Variants in GTF2F2 observed in about 807,000 individuals in gnomAD.
GTF2F2 encodes the protein general transcription factor IIF subunit 2.
A neutral mutation model predicts 42.2 loss-of-function variants in GTF2F2; 23 were observed. That is an observed-to-expected ratio of 0.55 (90% CI 0.39 to 0.77). The LOEUF (loss-of-function observed/expected upper bound fraction) is 0.77. GTF2F2 is among the 30% of genes least tolerant of loss of function. The probability of loss-of-function intolerance (pLI) is 0.00; values close to 1 mark genes in which losing one functional copy is unlikely to be tolerated. For missense variants in GTF2F2, 261 were observed against 287.2 expected (o/e 0.91, Z 0.66); for synonymous variants, 105 against 100.8 (o/e 1.04, Z -0.25).
At chr13:45,201,669 A>G (rs763153505) in intron 4 of GTF2F2, among the ~76,000 whole-genome samples, 1 of 152,210 alleles carries the variant, frequency 6.6e-6, no homozygotes, top group Admixed American at 6.5e-5. Context: ...TACATAAATT[A>G]CCATCATCAA....
chr13:45,252,998 TC>T, intron 6 of GTF2F2, 28 bp downstream of exon 6: 3 of 880,412 alleles, frequency 3.4e-6, no homozygotes, highest in Non-Finnish European at 5.2e-6. Flanking sequence ...CTCTTTTCAT[TC>T]TTTTATATCT....
intron 1 of GTF2F2, among the ~76,000 whole-genome samples, chr13:45,131,958 G>A (rs1254110700): frequency 6.6e-6 from 1 of 151,570 alleles, no homozygotes; most frequent in Non-Finnish European, 1.5e-5. Flanking sequence ...CAGACACTGG[G>A]TGGGAAGGAT....
At chr13:45,201,747 C>G (rs1045895349) in intron 4 of GTF2F2, among the ~76,000 whole-genome samples, 1 of 152,122 alleles carries the variant, frequency 6.6e-6, no homozygotes, top group Non-Finnish European at 1.5e-5. Context: ...ACAAACCAAT[C>G]TAGCCAAAAA....
At chr13:45,199,544 C>T (rs548475255) in intron 4 of GTF2F2, among the ~76,000 whole-genome samples, 26 of 151,930 alleles carry the variant, frequency 1.7e-4, no homozygotes, top group African/African-American at 5.1e-4. Flanking sequence ...ATAACCTGTG[C>T]GTTATTATTT....
At chr13:45,195,690 T>G (rs911227606) in intron 4 of GTF2F2, among the ~76,000 whole-genome samples, 1 of 152,202 alleles carries the variant, frequency 6.6e-6, no homozygotes, top group African/African-American at 2.4e-5. Context: ...CAATTTAGGG[T>G]TCTGAGGTTT....
chr13:45,189,969 A>G (rs942631746), intron 4 of GTF2F2, among the ~76,000 whole-genome samples: 8 of 152,238 alleles, frequency 5.3e-5, no homozygotes, highest in African/African-American at 1.9e-4. Flanking sequence ...TGACCAAAAC[A>G]CCAAAAGCAA....
In GTF2F2 at chr13:45,154,679, C is replaced by G. The variant is rs867063022; in HGVS notation, c.304+2848C>G. 2.6e-4 allele frequency among the ~76,000 whole-genome samples: 40 copies of G among 152,246 alleles called. No individual in the cohort carries two copies. In the South Asian group the frequency reaches 4.6e-3, roughly 17 times the overall value. On this transcript the variant is annotated intron_variant, in intron 4 of 7. Transcript: ENST00000340473. The stretch of plus-strand genomic sequence containing the variant: ...TTATGAAATAAGGATAATTTATTGA[C>G]ATTTATATATAAATATGAATACATT...
chr13:45,160,573 T>C (rs143446306), intron 4 of GTF2F2, among the ~76,000 whole-genome samples: 6 of 152,346 alleles, frequency 3.9e-5, no homozygotes, highest in Non-Finnish European at 5.9e-5. Flanking sequence ...AATTATGTAG[T>C]TCTTTTGAAT....
intron 7 of GTF2F2, among the ~76,000 whole-genome samples, chr13:45,271,282 A>G (rs1566157770): frequency 6.9e-6 from 1 of 145,444 alleles, no homozygotes; most frequent in South Asian, 2.2e-4. Context: ...CAGAAAAAAG[A>G]AAAAAAAAAA....
chr13:45,146,087 C>A (rs371912070), intron 2 of GTF2F2, among the ~76,000 whole-genome samples: 1 of 152,124 alleles, frequency 6.6e-6, no homozygotes, highest in Non-Finnish European at 1.5e-5. Flanking sequence ...ATCCTCTTCA[C>A]CCCATTTGGA....
At chr13:45,199,510 A>G (rs1417185958) in intron 4 of GTF2F2, among the ~76,000 whole-genome samples, 3 of 96,192 alleles carry the variant, frequency 3.1e-5, no homozygotes, top group Admixed American at 1.9e-4. Flanking sequence ...TAAGTTTTTT[A>G]AAAATGAAGT....
At chr13:45,182,773 C>G (rs1375209944) in intron 4 of GTF2F2, among the ~76,000 whole-genome samples, 1 of 152,134 alleles carries the variant, frequency 6.6e-6, no homozygotes, top group Non-Finnish European at 1.5e-5. Context: ...GTTAATAATT[C>G]TGTACATGAA....
chr13:45,240,278 GC>G (rs1228513426), intron 5 of GTF2F2, among the ~76,000 whole-genome samples: 13 of 151,870 alleles, frequency 8.6e-5, no homozygotes, highest in African/African-American at 3.1e-4. Flanking sequence ...TAGTCTTGAT[GC>G]CAGTGGTTAT....
intron 6 of GTF2F2, among the ~76,000 whole-genome samples, chr13:45,266,393 AG>A (rs1345457345): frequency 6.6e-6 from 1 of 152,154 alleles, no homozygotes; most frequent in African/African-American, 2.4e-5. Context: ...AACAGGTTCA[AG>A]GAGGTTGCAC....
chr13:45,170,949 T>C (rs1871564818), intron 4 of GTF2F2, among the ~76,000 whole-genome samples: 1 of 151,936 alleles, frequency 6.6e-6, no homozygotes, highest in Admixed American at 6.6e-5. Flanking sequence ...GTCAGAATGG[T>C]AACAGACAGT....
At chr13:45,157,088 G>A (rs1254806984) in intron 4 of GTF2F2, among the ~76,000 whole-genome samples, 3 of 152,154 alleles carry the variant, frequency 2.0e-5, no homozygotes, top group South Asian at 2.1e-4. Context: ...TCATTGAGAA[G>A]GTGAAATTTG....
intron 2 of GTF2F2, among the ~76,000 whole-genome samples, chr13:45,138,407 A>G (rs1049951714): frequency 1.4e-4 from 21 of 152,256 alleles, no homozygotes; most frequent in African/African-American, 5.1e-4. Context: ...TCCCAGAATC[A>G]ACCACTGACC....
chr13:45,239,232 C>G (rs1875156696), intron 5 of GTF2F2, among the ~76,000 whole-genome samples: 1 of 151,818 alleles, frequency 6.6e-6, no homozygotes, highest in Admixed American at 6.6e-5. Context: ...CCTTCAAGTT[C>G]CAGATAAAGA....
intron 4 of GTF2F2, among the ~76,000 whole-genome samples, chr13:45,191,299 G>A (rs1292022722): frequency 6.9e-6 from 1 of 145,106 alleles, no homozygotes; most frequent in Non-Finnish European, 1.5e-5. Context: ...GTCACTGCAT[G>A]GGGTAATTCC....
Sources: gnomAD v4.1 joint callset for allele counts (sites outside exome capture counted in the v4.1 genomes callset) on GRCh38, gnomAD v4.1.1 for gene constraint, MANE v1.5 for transcripts, NCBI Gene and HGNC (gene_info 2026-07-23, HGNC 2026-07-21) for gene names.